Variants in SLC44A5 observed in about 807,000 individuals in gnomAD.
SLC44A5 encodes solute carrier family 44 member 5.
A neutral mutation model predicts 101.8 loss-of-function variants in SLC44A5; 57 were observed. The ratio of observed to expected loss-of-function variants is 0.56; its 90% CI spans 0.45 to 0.70. The LOEUF is 0.70. Among genes scored for constraint, SLC44A5 ranks in the 30% least tolerant of loss-of-function variants. The pLI, the probability that SLC44A5 is intolerant of heterozygous loss-of-function variation, is 0.00. For missense variants in SLC44A5, 737 were observed against 853.1 expected (o/e 0.86, Z 1.70); for synonymous variants, 281 against 290.9 (o/e 0.97, Z 0.35).
the SLC44A5 span, among the ~76,000 whole-genome samples, chr1:75,649,712 C>A: frequency 7.2e-5 from 11 of 152,252 alleles, no homozygotes; most frequent in Non-Finnish European, 1.5e-4. Flanking sequence ...CTATGTAACT[C>A]TCTAAGATAT....
At chr1:75,603,929 C>T (rs1243197656) in intron 1 of SLC44A5, among the ~76,000 whole-genome samples, 1 of 151,698 alleles carries the variant, frequency 6.6e-6, no homozygotes, top group African/African-American at 2.4e-5. Flanking sequence ...CTGTCAGATG[C>T]ACAGTTTGTG....
intron 4 of SLC44A5, among the ~76,000 whole-genome samples, chr1:75,302,112 G>GTTT (rs10684140): frequency 0.044 from 2,626 of 60,152 alleles, 257 homozygotes; most frequent in Non-Finnish European, 0.052. Context: ...TAGTTTTTTT[G>GTTT]TTTTTTTTTT....
chr1:75,208,312 C>A (rs528160789), intron 23 of SLC44A5, among the ~76,000 whole-genome samples: 1 of 152,242 alleles, frequency 6.6e-6, no homozygotes, highest in South Asian at 2.1e-4. Context: ...GTACCTGCCA[C>A]CATGCCTGGC....
intron 12 of SLC44A5, among the ~76,000 whole-genome samples, chr1:75,231,100 T>A (rs563963775): frequency 3.9e-5 from 6 of 152,184 alleles, no homozygotes; most frequent in Non-Finnish European, 8.8e-5. Flanking sequence ...AGAGGAGATT[T>A]ACATTTGTTT....
At chr1:75,554,409 G>C (rs988051662) in intron 1 of SLC44A5, among the ~76,000 whole-genome samples, 3 of 149,860 alleles carry the variant, frequency 2.0e-5, no homozygotes, top group African/African-American at 7.4e-5. Flanking sequence ...CAGAGGTTGC[G>C]GTGAGCCAAG....
intron 4 of SLC44A5, among the ~76,000 whole-genome samples, chr1:75,315,827 C>T (rs1390590753): frequency 6.6e-6 from 1 of 152,178 alleles, no homozygotes; most frequent in East Asian, 1.9e-4. Context: ...GCCCGCCGCT[C>T]ACTCTTTCAT....
At chr1:75,597,695 A>T (rs1674725387) in intron 1 of SLC44A5, among the ~76,000 whole-genome samples, 1 of 152,188 alleles carries the variant, frequency 6.6e-6, no homozygotes, top group Non-Finnish European at 1.5e-5. Context: ...CAAGCAATGG[A>T]GAAAGTATTC....
chr1:75,655,336 A>G, the SLC44A5 span, among the ~76,000 whole-genome samples: 2 of 152,208 alleles, frequency 1.3e-5, no homozygotes, highest in African/African-American at 4.8e-5. Flanking sequence ...CAGCACCAGG[A>G]AGAATTCTTC....
At chr1:75,445,915 G>T (rs77242014) in intron 2 of SLC44A5, among the ~76,000 whole-genome samples, 35,403 of 151,972 alleles carry the variant, frequency 0.23, 4,246 homozygotes, top group African/African-American at 0.26. Context: ...TCATCAAGTT[G>T]CTCGGGGAAG....
intron 1 of SLC44A5, chr1:75,582,555 C>A: frequency 4.3e-6 from 2 of 470,096 alleles, no homozygotes; most frequent in East Asian, 3.7e-5. Context: ...ACAAAGGGTT[C>A]AAAGTAGAGA....
chr1:75,310,471 C>T (rs1655211934), intron 4 of SLC44A5, among the ~76,000 whole-genome samples: 1 of 152,158 alleles, frequency 6.6e-6, no homozygotes, highest in African/African-American at 2.4e-5. Context: ...ATTGGCTATT[C>T]CTGTGTCTCA....
At chr1:75,399,537 C>T (rs1475523219) in intron 2 of SLC44A5, among the ~76,000 whole-genome samples, 2 of 152,006 alleles carry the variant, frequency 1.3e-5, no homozygotes, top group Non-Finnish European at 2.9e-5. Context: ...CTGGATTAGA[C>T]CCTGATTTGG....
At chr1:75,210,534 C>T (rs1570359538) in intron 23 of SLC44A5, among the ~76,000 whole-genome samples, 1 of 152,170 alleles carries the variant, frequency 6.6e-6, no homozygotes, top group East Asian at 1.9e-4. Context: ...CATTGTGATG[C>T]ACAGTGCGAA....
intron 2 of SLC44A5, among the ~76,000 whole-genome samples, chr1:75,493,505 G>C (rs1181574978): frequency 6.6e-6 from 1 of 152,114 alleles, no homozygotes; most frequent in Non-Finnish European, 1.5e-5. Context: ...AAATCTATTA[G>C]AGAAGAAACA....
At chr1:75,405,453 G>A (rs1662785438) in intron 2 of SLC44A5, among the ~76,000 whole-genome samples, 1 of 152,086 alleles carries the variant, frequency 6.6e-6, no homozygotes, top group Non-Finnish European at 1.5e-5. Flanking sequence ...CACATAATTG[G>A]AAGTAAATCA....
At chr1:75,413,387 A>T (rs1398256911) in intron 2 of SLC44A5, among the ~76,000 whole-genome samples, 1 of 152,132 alleles carries the variant, frequency 6.6e-6, no homozygotes. Flanking sequence ...ACAAGTCACC[A>T]TTTACATCTA....
chr1:75,545,605 G>T (rs1671602570), intron 1 of SLC44A5, among the ~76,000 whole-genome samples: 1 of 152,088 alleles, frequency 6.6e-6, no homozygotes, highest in African/African-American at 2.4e-5. Context: ...ACTCAGTAAG[G>T]CGGCATTGGT....
chr1:75,620,422 A>G, the SLC44A5 span, among the ~76,000 whole-genome samples: 1 of 152,156 alleles, frequency 6.6e-6, no homozygotes, highest in African/African-American at 2.4e-5. Context: ...GTCTTCCACA[A>G]TGGTTGAACT....
chr1:75,460,443 A>C (rs72988767), intron 2 of SLC44A5, among the ~76,000 whole-genome samples: 4,414 of 152,280 alleles, frequency 0.029, 211 homozygotes, highest in African/African-American at 0.1. Context: ...ACAGATGCAC[A>C]GTCATGGACA....
Sources: allele counts gnomAD v4.1 joint callset (sites outside exome capture counted in the v4.1 genomes callset), GRCh38; gene constraint gnomAD v4.1.1; transcripts MANE v1.5; gene names NCBI Gene and HGNC (gene_info 2026-07-23, HGNC 2026-07-21).